The following INPP4B variants were observed in gnomAD, a reference collection of about 807,000 sequenced individuals.
INPP4B encodes the protein inositol polyphosphate 4-phosphatase type II.
INPP4B carries 55 observed loss-of-function variants against 122.5 expected under a neutral mutation model. The observed-to-expected ratio is 0.45, with a 90% CI of 0.36 to 0.56. The LOEUF is 0.56. INPP4B is among the 20% of genes least tolerant of loss of function. The probability of loss-of-function intolerance (pLI) is 0.00; values close to 1 mark genes in which losing one functional copy is unlikely to be tolerated. For synonymous variants in INPP4B, 403 were observed against 388.7 expected, an observed-to-expected ratio of 1.04 and a Z score of -0.43; for missense variants, 1,000 against 1,097.7, an observed-to-expected ratio of 0.91 and a Z score of 1.26.
chr4:142,609,270 C>T (rs1237979433), intron 2 of INPP4B, among the ~76,000 whole-genome samples: 1 of 151,712 alleles, frequency 6.6e-6, no homozygotes, highest in African/African-American at 2.4e-5. Flanking sequence ...CAAAAGGCTG[C>T]ATATGGAAGG....
intron 2 of INPP4B, among the ~76,000 whole-genome samples, chr4:142,704,984 T>C (rs890284196): frequency 1.3e-5 from 2 of 152,216 alleles, no homozygotes; most frequent in Non-Finnish European, 2.9e-5. Flanking sequence ...TCTCAGTTTT[T>C]ATCTTATTTA....
At chr4:142,127,334 T>C (rs895355226) in intron 18 of INPP4B, among the ~76,000 whole-genome samples, 1 of 152,200 alleles carries the variant, frequency 6.6e-6, no homozygotes, top group Non-Finnish European at 1.5e-5. Flanking sequence ...ATTAAATATT[T>C]GTTTCTCTAA....
At chr4:142,593,919 G>A (rs980992852) in intron 2 of INPP4B, among the ~76,000 whole-genome samples, 82 of 151,654 alleles carry the variant, frequency 5.4e-4, no homozygotes, top group African/African-American at 1.9e-3. Context: ...AAATGGTATT[G>A]AACTATTTGT....
intron 10 of INPP4B, among the ~76,000 whole-genome samples, chr4:142,269,391 G>A (rs1420242953): frequency 1.3e-5 from 2 of 152,038 alleles, no homozygotes; most frequent in African/African-American, 2.4e-5. Flanking sequence ...AGGGGTCACA[G>A]ATGCTCCTCT....
chr4:142,029,087 G>A, intron 25 of INPP4B, 173 bp from the exon 26 acceptor site: 2 of 1,363,018 alleles, frequency 1.5e-6, no homozygotes, highest in Non-Finnish European at 1.9e-6. Flanking sequence ...CCTAGGCCAG[G>A]CCCAATACCA....
intron 7 of INPP4B, among the ~76,000 whole-genome samples, chr4:142,331,185 A>G (rs536998074): frequency 2.6e-5 from 4 of 152,352 alleles, no homozygotes; most frequent in Admixed American, 2.0e-4. Flanking sequence ...TTAAAGGACA[A>G]GGATGGAGGA....
At chr4:142,544,087 T>C (rs1465391418) in intron 2 of INPP4B, among the ~76,000 whole-genome samples, 1 of 147,434 alleles carries the variant, frequency 6.8e-6, no homozygotes, top group Non-Finnish European at 1.5e-5. Context: ...CTCTGGGGCC[T>C]ACTCAGGAAG....
intron 7 of INPP4B, among the ~76,000 whole-genome samples, chr4:142,386,050 C>T (rs1437787088): frequency 6.6e-6 from 1 of 152,134 alleles, no homozygotes; most frequent in Non-Finnish European, 1.5e-5. Flanking sequence ...CTTTCTTCCT[C>T]CAGTGTCTGA....
At chr4:142,633,916 C>T (rs1748530871) in intron 2 of INPP4B, among the ~76,000 whole-genome samples, 1 of 152,150 alleles carries the variant, frequency 6.6e-6, no homozygotes. Flanking sequence ...GTCCCAGCTA[C>T]TTGGGAGACT....
intron 2 of INPP4B, chr4:142,560,425 T>C (rs1366668566): frequency 6.6e-6 from 1 of 152,164 alleles, no homozygotes; most frequent in African/African-American, 2.4e-5. Flanking sequence ...GATGTACATA[T>C]GAAGGGGAGT....
intron 18 of INPP4B, among the ~76,000 whole-genome samples, chr4:142,134,075 T>C (rs777338280): frequency 9.9e-5 from 15 of 152,250 alleles, no homozygotes; most frequent in South Asian, 6.2e-4. Context: ...CAGTGTTTTA[T>C]CTTTTCTGTT....
intron 7 of INPP4B, among the ~76,000 whole-genome samples, chr4:142,379,429 G>A (rs1579899650): frequency 6.6e-6 from 1 of 152,160 alleles, no homozygotes; most frequent in African/African-American, 2.4e-5. Flanking sequence ...TGTGGAAACA[G>A]ATGTCCCCTA....
chr4:142,371,183 C>G (rs547790476), intron 7 of INPP4B, among the ~76,000 whole-genome samples: 170 of 152,122 alleles, frequency 1.1e-3, no homozygotes, highest in African/African-American at 4.0e-3. Flanking sequence ...AAAGGACACC[C>G]TTTTCAATAA....
chr4:142,587,355 A>T (rs999057238), intron 2 of INPP4B, among the ~76,000 whole-genome samples: 6 of 152,038 alleles, frequency 3.9e-5, no homozygotes, highest in African/African-American at 1.4e-4. Context: ...GGTTGTAGTG[A>T]TTTTAAAATT....
chr4:142,555,064 C>T (rs1728851308), intron 2 of INPP4B, among the ~76,000 whole-genome samples: 1 of 152,160 alleles, frequency 6.6e-6, no homozygotes, highest in South Asian at 2.1e-4. Flanking sequence ...CCACATGTAG[C>T]TGAGGAGAAT....
intron 3 of INPP4B, among the ~76,000 whole-genome samples, chr4:142,458,848 C>G (rs954339200): frequency 1.8e-4 from 27 of 152,236 alleles, no homozygotes; most frequent in East Asian, 3.9e-4. Context: ...TGTGTATATC[C>G]AAGTCATAAA....
chr4:142,640,527 A>G (rs958459960), intron 2 of INPP4B, among the ~76,000 whole-genome samples: 3 of 152,120 alleles, frequency 2.0e-5, no homozygotes, highest in Non-Finnish European at 4.4e-5. Context: ...GTCCTAAAAT[A>G]TAATATACAG....
chr4:142,377,422 A>T (rs1166575856), intron 7 of INPP4B, among the ~76,000 whole-genome samples: 1 of 152,096 alleles, frequency 6.6e-6, no homozygotes, highest in African/African-American at 2.4e-5. Context: ...AGTTTGAATG[A>T]TGTCTCAAAT....
chr4:142,302,194 C>T (rs1291039828), intron 9 of INPP4B, among the ~76,000 whole-genome samples: 5 of 152,084 alleles, frequency 3.3e-5, no homozygotes. Context: ...CCCTTTCACA[C>T]TTTTCCATCA....
Sources: gnomAD v4.1 joint callset for allele counts (sites outside exome capture counted in the v4.1 genomes callset) on GRCh38, gnomAD v4.1.1 for gene constraint, MANE v1.5 for transcripts, NCBI Gene and HGNC (gene_info 2026-07-23, HGNC 2026-07-21) for gene names.